The following ZC3H8 variants were observed in gnomAD, a reference collection of about 807,000 sequenced individuals.
ZC3H8 encodes the protein zinc finger CCCH domain-containing protein 8.
A neutral mutation model predicts 42.5 loss-of-function variants in ZC3H8; 27 were observed. The observed-to-expected ratio is 0.64, with a 90% CI of 0.47 to 0.88. The LOEUF is 0.88. Among genes scored for constraint, ZC3H8 ranks in the 40% least tolerant of loss-of-function variants. The pLI, the probability that ZC3H8 is intolerant of heterozygous loss-of-function variation, is 0.00. For synonymous variants in ZC3H8, 101 were observed against 110.1 expected (o/e 0.92, Z 0.52); for missense variants, 277 against 336.1 (o/e 0.82, Z 1.37).
At chr2:112,218,326 A>T (rs2104639825) in intron 8 of ZC3H8, among the ~76,000 whole-genome samples, 1 of 152,338 alleles carries the variant, frequency 6.6e-6, no homozygotes, top group South Asian at 2.1e-4. Flanking sequence ...TTTAGAAACC[A>T]GGCAGTCTCA....
intron 8 of ZC3H8, among the ~76,000 whole-genome samples, chr2:112,219,569 A>G (rs561432431): frequency 6.6e-6 from 1 of 152,298 alleles, no homozygotes; most frequent in East Asian, 1.9e-4. Context: ...CTTCCATGTA[A>G]TTGTATAGTT....
chr2:112,251,855 G>T (rs1204181610), intron 1 of ZC3H8, among the ~76,000 whole-genome samples: 2 of 152,162 alleles, frequency 1.3e-5, no homozygotes, highest in Non-Finnish European at 2.9e-5. Flanking sequence ...ACCCATATTA[G>T]ACCTATGAGC....
intron 2 of ZC3H8, among the ~76,000 whole-genome samples, chr2:112,248,320 A>AAAAG (rs147585159): frequency 0.3 from 44,608 of 149,532 alleles, 6,854 homozygotes; most frequent in African/African-American, 0.34. Flanking sequence ...AGACAGAAAG[A>AAAAG]AAAGAAAGAA....
At chr2:112,236,790 T>A in intron 3 of ZC3H8, 95 bp from the exon 4 acceptor site, 1 of 1,122,382 alleles carries the variant, frequency 8.9e-7, no homozygotes, top group Non-Finnish European at 1.3e-6. Flanking sequence ...CTCATGTCTG[T>A]AATCCCAGCT....
chr2:112,238,405 G>C lies in ZC3H8; in HGVS notation c.280C>G (p.Leu94Val), dbSNP rs1309428782. ...TCTCTGGCTTGTATGTACTGTTGAAGCTCTTTGGCAAAATTATCTTCTGAT... is the reference window on the plus strand; with the variant it reads ...TCTCTGGCTTGTATGTACTGTTGAACCTCTTTGGCAAAATTATCTTCTGAT... ...QESEDNFAKE[L>V]QQYIQAREMA... Residue 94 changes from leucine to valine, a missense_variant, in exon 3 of 9, where the codon CTT (leucine) becomes GTT (valine). By Grantham distance (32) the Leu-to-Val change is conservative. Transcript: ENST00000409573. 6.2e-7 allele frequency: 1 copy of C among 1,613,636 alleles called. No individual in the cohort carries two copies. The highest frequency in any genetic ancestry group is 1.7e-5 in the Admixed American group (1 of 60,028).
chr2:112,243,969 T>C (rs1032161039), intron 2 of ZC3H8, among the ~76,000 whole-genome samples: 5 of 151,280 alleles, frequency 3.3e-5, no homozygotes, highest in Non-Finnish European at 7.4e-5. Flanking sequence ...TAAATTGTAA[T>C]TTATGAAATA....
chr2:112,236,753 T>A (rs1685353472), intron 3 of ZC3H8, 58 bp from the exon 4 acceptor site: 12 of 1,481,988 alleles, frequency 8.1e-6, no homozygotes, highest in South Asian at 6.2e-5. Context: ...AGTTTACTTT[T>A]AAGAAGTACG....
chr2:112,238,456 T>C lies in ZC3H8; in HGVS notation c.229A>G (p.Ser77Gly). 6.2e-7 allele frequency: 1 copy of C among 1,613,482 alleles called. No individual in the cohort carries two copies. The highest frequency in any genetic ancestry group is 1.1e-5 in the South Asian group (1 of 91,074). ...TCCTGACTGCAGATATCATTATCAC[T>C]ATATACATCATAGTCCTTACTTCTT... ...KSRSKDYDVY[S>G]DNDICSQESE... The change falls in exon 3 of 9, where the codon AGT becomes GGT. Residue 77 changes from serine (S) to glycine (G), a missense_variant. Coordinates refer to ENST00000409573, the MANE Select transcript of ZC3H8 (RefSeq NM_032494.3).
At chr2:112,251,962 A>G (rs533050240) in intron 1 of ZC3H8, among the ~76,000 whole-genome samples, 1 of 152,304 alleles carries the variant, frequency 6.6e-6, no homozygotes, top group South Asian at 2.1e-4. Context: ...TTCCACAGCT[A>G]CTACTTCTCA....
intron 2 of ZC3H8, among the ~76,000 whole-genome samples, chr2:112,242,669 C>T (rs550582831): frequency 1.3e-5 from 2 of 152,266 alleles, no homozygotes; most frequent in Non-Finnish European, 2.9e-5. Context: ...AACAATACTA[C>T]AGTAGTGCTA....
intron 2 of ZC3H8, among the ~76,000 whole-genome samples, chr2:112,241,229 C>G (rs1329816380): frequency 2.6e-5 from 4 of 152,078 alleles, no homozygotes; most frequent in Non-Finnish European, 4.4e-5. Flanking sequence ...AGAACACAAC[C>G]ACCCAGGTAC....
rs907095030 is a variant in ZC3H8 at position 112,249,318 on chromosome 2, G to C, written c.156+873C>G. 3.3e-5 allele frequency among the ~76,000 whole-genome samples: 5 copies of C among 152,188 alleles called. 1 individual carries two copies. The highest frequency in any genetic ancestry group is 7.4e-5 in the Non-Finnish European group (5 of 68,016). On this transcript the variant is annotated intron_variant, in intron 2 of 8. Transcript: ENST00000409573. ...ACCAAAGATTGCCAGCATTCCATCA[G>C]GAGCTAGGGGAGATGAATGAATAGA... is the stretch of plus-strand genomic sequence containing the variant.
At chr2:112,235,936 T>A (rs1319632606) in intron 4 of ZC3H8, among the ~76,000 whole-genome samples, 115 of 122,496 alleles carry the variant, frequency 9.4e-4, no homozygotes, top group African/African-American at 1.1e-3. Flanking sequence ...AGTATAACAC[T>A]AAAAAAAAAA....
intron 2 of ZC3H8, among the ~76,000 whole-genome samples, chr2:112,243,373 T>C (rs946564010): frequency 1.3e-5 from 2 of 152,206 alleles, no homozygotes; most frequent in Non-Finnish European, 2.9e-5. Context: ...GTTCCATAAA[T>C]GTCTTCCAGG....
chr2:112,237,551 A>G (rs1685391589), intron 3 of ZC3H8, among the ~76,000 whole-genome samples: 1 of 151,764 alleles, frequency 6.6e-6, no homozygotes, highest in African/African-American at 2.4e-5. Flanking sequence ...AAAGAAAACA[A>G]CAAAAAAATG....
intron 8 of ZC3H8, among the ~76,000 whole-genome samples, chr2:112,230,268 G>T (rs920279282): frequency 6.6e-6 from 1 of 152,108 alleles, no homozygotes; most frequent in Non-Finnish European, 1.5e-5. Flanking sequence ...ACAGTTTGTA[G>T]GAGTATAAAC....
chr2:112,219,181 G>A (rs1684474225), intron 8 of ZC3H8, among the ~76,000 whole-genome samples: 1 of 152,140 alleles, frequency 6.6e-6, no homozygotes. Flanking sequence ...CACACTTCCT[G>A]AGTTCAATAC....
Position 112,234,235 on chromosome 2 carries a change from T to A in ZC3H8, c.506A>T (p.Asp169Val), listed in dbSNP as rs199592500. The A allele has an allele frequency of 6.3e-7, 1 of 1,588,752 alleles. No homozygotes were observed. Among genetic ancestry groups the A allele is most frequent in the Non-Finnish European group, 8.5e-7 (1 of 1,169,898 alleles). ...CTGCTGCTTCTCTTTAGGTTTACCA[T>A]CCTTTAAAAACAAAAACAAAAAAAC... is the stretch of plus-strand genomic sequence containing the variant. The part of the protein sequence containing the change: ...LLRNSGSQEE[D>V]GKPKEKQQHL... Residue 169 changes from aspartate to valine, a missense_variant and splice_region_variant, in exon 5 of 9, where the codon GAT becomes GTT. By Grantham distance (152) the Asp-to-Val change is radical. Coordinates refer to ENST00000409573, the MANE Select transcript of ZC3H8 (RefSeq NM_032494.3).
At chr2:112,253,806 T>G (rs1370565381) in intron 1 of ZC3H8, among the ~76,000 whole-genome samples, 1 of 152,242 alleles carries the variant, frequency 6.6e-6, no homozygotes, top group Admixed American at 6.5e-5. Flanking sequence ...TTATAACATA[T>G]CAATTAGTAC....
Sources: gnomAD v4.1 joint callset for allele counts (sites outside exome capture counted in the v4.1 genomes callset) on GRCh38, gnomAD v4.1.1 for gene constraint, MANE v1.5 for transcripts, NCBI Gene and HGNC (gene_info 2026-07-23, HGNC 2026-07-21) for gene names.